The following SEC22A variants were observed in gnomAD, a reference collection of about 807,000 sequenced individuals.
The protein encoded by SEC22A is vesicle-trafficking protein SEC22a.
SEC22A carries 22 observed loss-of-function variants against 35.3 expected under a neutral mutation model. That is an observed-to-expected ratio of 0.62 (90% CI 0.45 to 0.89). SEC22A has a LOEUF of 0.89. SEC22A is among the 40% of genes least tolerant of loss of function. The pLI is 0.00. For missense variants in SEC22A, 354 were observed against 362.5 expected, an observed-to-expected ratio of 0.98 and a Z score of 0.19; for synonymous variants, 119 against 129.5, an observed-to-expected ratio of 0.92 and a Z score of 0.55.
At chr3:123,260,152 A>C (rs1483985331) in intron 6 of SEC22A, among the ~76,000 whole-genome samples, 2 of 146,896 alleles carry the variant, frequency 1.4e-5, no homozygotes, top group Admixed American at 6.7e-5. Flanking sequence ...AAAAAAAAAA[A>C]AAAAAAAAAA....
At chr3:123,239,757 A>C (rs1576495439) in intron 4 of SEC22A, among the ~76,000 whole-genome samples, 1 of 151,588 alleles carries the variant, frequency 6.6e-6, no homozygotes, top group East Asian at 1.9e-4. Flanking sequence ...GGTTGCGAAA[A>C]TTTTCTCCCA....
At chr3:123,239,497 C>G (rs1459647191) in intron 4 of SEC22A, among the ~76,000 whole-genome samples, 8 of 151,758 alleles carry the variant, frequency 5.3e-5, no homozygotes, top group Non-Finnish European at 1.0e-4. Flanking sequence ...CTTCCTGTGT[C>G]CATGTGTCCA....
Position 123,225,292 on chromosome 3 carries a change from C to A in SEC22A, c.536C>A (p.Ser179Tyr), listed in dbSNP as rs1937201197. 1 of 1,594,490 alleles carries A rather than the reference C, an allele frequency of 6.3e-7. No homozygotes were observed. Among genetic ancestry groups the A allele is most frequent in the African/African-American group, 1.3e-5 (1 of 74,422 alleles). ...GACTGTAAAGGTGCTGGTAAGATTT[C>A]TTCTGGTGAGTTCTGGATCTCAGTT... ...SVDCKGAGKI[S>Y]SAHQRLEPAT... The change falls in exon 4 of 7, where the codon TCT becomes TAT. Residue 179 changes from serine to tyrosine, a missense_variant. By Grantham distance (144) the Ser-to-Tyr change is moderately radical. Coordinates refer to ENST00000492595, the MANE Select transcript of SEC22A (RefSeq NM_012430.5).
chr3:123,245,581 C>A (rs11720939), intron 4 of SEC22A, among the ~76,000 whole-genome samples: 1 of 151,766 alleles, frequency 6.6e-6, no homozygotes, highest in Non-Finnish European at 1.5e-5. Flanking sequence ...TGCCTGTAAT[C>A]GTAGATAGTC....
At chr3:123,237,223 C>T (rs1345292196) in intron 4 of SEC22A, among the ~76,000 whole-genome samples, 4 of 152,188 alleles carry the variant, frequency 2.6e-5, no homozygotes, top group African/African-American at 9.7e-5. Context: ...ACAAAGTTGA[C>T]ATAGCCTTGT....
chr3:123,242,211 C>T (rs901521810), intron 4 of SEC22A, among the ~76,000 whole-genome samples: 23 of 151,168 alleles, frequency 1.5e-4, no homozygotes, highest in African/African-American at 5.6e-4. Flanking sequence ...TTAAACCTTT[C>T]CCTTCAGTTG....
chr3:123,231,942 A>C (rs778133192), intron 4 of SEC22A, among the ~76,000 whole-genome samples: 10 of 152,160 alleles, frequency 6.6e-5, no homozygotes, highest in Non-Finnish European at 1.0e-4. Context: ...TAATTACTCA[A>C]ATTAGAAATG....
intron 5 of SEC22A, among the ~76,000 whole-genome samples, chr3:123,256,692 T>TA: frequency 6.6e-6 from 1 of 152,220 alleles, no homozygotes; most frequent in South Asian, 2.1e-4. Flanking sequence ...ATTATTGACT[T>TA]ACGTATCTGC....
In SEC22A at chr3:123,214,750, A is replaced by C. The variant is rs1936994464; in HGVS notation, c.182+5351A>C. 2.0e-5 allele frequency among the ~76,000 whole-genome samples: 3 copies of C among 152,224 alleles called. No individual in the cohort carries two copies. The South Asian group carries it at 6.2e-4, about 32-fold the overall frequency. ...TAAAAATCATAGTTGTACATTTTGAAATCTCTTTATTTAAACAGTAAGATG... is the reference window on the plus strand; with the variant it reads ...TAAAAATCATAGTTGTACATTTTGACATCTCTTTATTTAAACAGTAAGATG... On this transcript the variant is annotated intron_variant, in intron 2 of 6. Coordinates refer to ENST00000492595, the MANE Select transcript of SEC22A (RefSeq NM_012430.5).
At chr3:123,257,188 GAC>G (rs949897101) in intron 5 of SEC22A, among the ~76,000 whole-genome samples, 50 of 152,300 alleles carry the variant, frequency 3.3e-4, no homozygotes, top group African/African-American at 1.1e-3. Context: ...TTTTTTAAGT[GAC>G]ACAGACAGTA....
chr3:123,266,430 T>C (rs1423288337), intron 6 of SEC22A, among the ~76,000 whole-genome samples: 1 of 152,174 alleles, frequency 6.6e-6, no homozygotes, highest in Non-Finnish European at 1.5e-5. Context: ...CTCCTAAAGA[T>C]TTCCGTCTTA....
intron 1 of SEC22A, among the ~76,000 whole-genome samples, chr3:123,207,323 A>T (rs987434082): frequency 2.6e-5 from 4 of 151,320 alleles, no homozygotes; most frequent in East Asian, 1.9e-4. Flanking sequence ...TTTCTGTGGT[A>T]TTTTTTTTTA....
Position 123,273,757 on chromosome 3 carries a change from C to G in SEC22A, c.*2035C>G, listed in dbSNP as rs543508622. The G allele has an allele frequency of 3.7e-4, 57 of 152,240 alleles. No individual in the cohort carries two copies. Among genetic ancestry groups the G allele is most frequent in the African/African-American group, 1.4e-3 (57 of 41,468 alleles). The allele number at this position is 152,240 out of a possible 1,614,324, so 9.4% of individuals were successfully genotyped here. A position where few individuals can be genotyped will look rare whatever the true frequency, so the allele number is the denominator to read the frequency against. On this transcript the variant is annotated 3_prime_UTR_variant, in exon 7 of 7. Coordinates refer to ENST00000492595, the MANE Select transcript of SEC22A (RefSeq NM_012430.5). The stretch of plus-strand genomic sequence containing the variant: ...CAGGAGGTGGAAGTTGGCAGTGAGC[C>G]AAGATCACGCCACTGTACTCCAGCC...
chr3:123,259,013 C>T (rs1230396146), intron 5 of SEC22A, among the ~76,000 whole-genome samples: 1 of 152,040 alleles, frequency 6.6e-6, no homozygotes, highest in African/African-American at 2.4e-5. Context: ...TAATTTTTCA[C>T]GTTGGGATTT....
At chr3:123,203,513 C>T (rs1211188283) in intron 1 of SEC22A, among the ~76,000 whole-genome samples, 1 of 152,094 alleles carries the variant, frequency 6.6e-6, no homozygotes, top group Non-Finnish European at 1.5e-5. Context: ...GAGATAGATG[C>T]TATTAGTAGC....
At chr3:123,241,221 G>T (rs1559758975) in intron 4 of SEC22A, among the ~76,000 whole-genome samples, 1 of 152,120 alleles carries the variant, frequency 6.6e-6, no homozygotes, top group Non-Finnish European at 1.5e-5. Flanking sequence ...TCCAAAAGAG[G>T]TAAGAAGGAA....
At chr3:123,239,791 T>A (rs1937493500) in intron 4 of SEC22A, among the ~76,000 whole-genome samples, 1 of 152,210 alleles carries the variant, frequency 6.6e-6, no homozygotes, top group South Asian at 2.1e-4. Context: ...CTGTTCACTC[T>A]GATGGTAGTG....
chr3:123,274,122 T>C lies in SEC22A; in HGVS notation c.*2400T>C, dbSNP rs1350645386. On this transcript the variant is annotated 3_prime_UTR_variant, in exon 7 of 7. Coordinates refer to ENST00000492595, the MANE Select transcript of SEC22A (RefSeq NM_012430.5). ...AAAAAAATGAAAACAGGTATAAATGTTTTATGTATAGAAATGTTTTCTTTC... is the reference window on the plus strand; with the variant it reads ...AAAAAAATGAAAACAGGTATAAATGCTTTATGTATAGAAATGTTTTCTTTC... 6.6e-6 allele frequency: 1 copy of C among 152,224 alleles called. No individual in the cohort carries two copies. The highest frequency in any genetic ancestry group is 1.5e-5 in the Non-Finnish European group (1 of 68,038). 9.4% of individuals were successfully genotyped at this position (152,224 alleles called of 1,614,324 possible).
chr3:123,260,181 T>G (rs1937856947), intron 6 of SEC22A, among the ~76,000 whole-genome samples: 1 of 135,398 alleles, frequency 7.4e-6, no homozygotes, highest in African/African-American at 3.1e-5. Context: ...TACTAGATTT[T>G]CTGGTGGTTG....
Sources: gnomAD v4.1 joint callset for allele counts (sites outside exome capture counted in the v4.1 genomes callset) on GRCh38, gnomAD v4.1.1 for gene constraint, MANE v1.5 for transcripts, NCBI Gene and HGNC (gene_info 2026-07-23, HGNC 2026-07-21) for gene names.